IL25: variants seen among roughly 807,000 people sequenced by gnomAD.
IL25 encodes interleukin 25.
IL25 carries 10 observed loss-of-function variants against 13.2 expected under a neutral mutation model. The ratio of observed to expected loss-of-function variants is 0.76; its 90% CI spans 0.47 to 1.29. The LOEUF is 1.29. Among genes scored for constraint, IL25 ranks in the 50% most tolerant of loss-of-function variants. The pLI is 0.00. For missense variants in IL25, 235 were observed against 232.4 expected (o/e 1.01, Z -0.07); for synonymous variants, 107 against 92.1 (o/e 1.16, Z -0.93).
exon 2 of IL25, chr14:23,375,661 G>C (rs773659715): frequency 6.2e-7 from 1 of 1,614,186 alleles, no homozygotes; most frequent in Non-Finnish European, 8.5e-7. Flanking sequence ...CCCAGGACCT[G>C]TACCACGCCC....
exon 1 of IL25, chr14:23,372,913 C>T (rs1444523957): frequency 4.5e-6 from 7 of 1,572,252 alleles, no homozygotes; most frequent in African/African-American, 2.7e-5. Flanking sequence ...CAGCCTGCTT[C>T]CACGAGGCCT....
At chr14:23,373,604 T>G (rs1457467179) in intron 1 of IL25, among the ~76,000 whole-genome samples, 2 of 151,960 alleles carry the variant, frequency 1.3e-5, no homozygotes, top group African/African-American at 4.8e-5. Flanking sequence ...ACTCAGGGTT[T>G]TTTTTTTTTT....
intron 1 of IL25, among the ~76,000 whole-genome samples, chr14:23,374,914 T>C (rs927056732): frequency 2.0e-5 from 3 of 152,144 alleles, no homozygotes; most frequent in Non-Finnish European, 4.4e-5. Flanking sequence ...CTCTTTATAC[T>C]CTTTAATACT....
Position 23,375,781 on chromosome 14 carries a change from C to A in IL25, c.435C>A (p.Cys145Ter), listed in dbSNP as rs1320758960. ...AGACTGTCTTCTACCGGCGGCCATG[C>A]CATGGCGAGAAGGGCACCCACAAGG... The change falls in exon 2 of 2, where the codon TGC (cysteine) becomes TGA (stop). Residue 145 changes from cysteine to a stop codon, truncating the protein, a stop_gained. Transcript: ENST00000329715. LOFTEE classifies it low-confidence loss of function (END_TRUNC). 6.2e-7 allele frequency: 1 copy of A among 1,614,122 alleles called. No homozygotes were observed. The highest frequency in any genetic ancestry group is 8.5e-7 in the Non-Finnish European group (1 of 1,180,040).
At chr14:23,376,066 G>C in exon 2 of IL25, 1 of 771,430 alleles carries the variant, frequency 1.3e-6, no homozygotes, top group Non-Finnish European at 2.0e-6. Context: ...GAAAAGAGCA[G>C]CTGCTGCTTA....
At chr14:23,375,231 C>A (rs1890511056) in intron 1 of IL25, among the ~76,000 whole-genome samples, 1 of 152,118 alleles carries the variant, frequency 6.6e-6, no homozygotes, top group Non-Finnish European at 1.5e-5. Context: ...AGCTTGGGTA[C>A]TCCGTCTCAA....
intron 1 of IL25, 61 bp downstream of exon 2, chr14:23,373,457 G>C: frequency 7.0e-7 from 1 of 1,423,630 alleles, no homozygotes; most frequent in Non-Finnish European, 9.6e-7. Context: ...TATGCGTGAG[G>C]GACCAGGGCA....
exon 1 of IL25, chr14:23,372,952 T>G: frequency 6.2e-7 from 1 of 1,613,170 alleles, no homozygotes; most frequent in Non-Finnish European, 8.5e-7. Context: ...TGTGACTGAG[T>G]GTGCAGTGCC....
intron 1 of IL25, among the ~76,000 whole-genome samples, chr14:23,374,726 CTTTCTTTTTT>C (rs1280312807): frequency 2.6e-5 from 3 of 116,562 alleles, no homozygotes; most frequent in African/African-American, 1.7e-4. Flanking sequence ...TTCTTTCTTT[CTTTCTTTTTT>C]TTTTTTTGCC....
exon 2 of IL25, chr14:23,375,634 A>C: frequency 6.2e-7 from 1 of 1,613,252 alleles, no homozygotes; most frequent in African/African-American, 1.3e-5. Flanking sequence ...GGTTGGACAG[A>C]GACTTGAACC....
chr14:23,373,231 G>T (rs762878140), exon 1 of IL25: 1 of 1,614,250 alleles, frequency 6.2e-7, no homozygotes, highest in Non-Finnish European at 8.5e-7. Context: ...CACTGGCCCA[G>T]CTGCTGCCCC....
Position 23,373,377 on chromosome 14 carries a change from AT to A in IL25, c.260del (p.Ile87ThrfsTer12). ...AGATGGACCCCTCAACAGCAGGGCC[AT>A]CTCCCCCTGGAGATATGAGTGAGTC... On this transcript the variant is annotated frameshift_variant, in exon 1 of 2. Coordinates refer to ENST00000329715, the Ensembl canonical transcript of IL25. LOFTEE classifies it high-confidence loss of function. 1.2e-6 allele frequency: 2 copies of A among 1,612,620 alleles called. No homozygotes were observed. The highest frequency in any genetic ancestry group is 1.7e-6 in the Non-Finnish European group (2 of 1,179,114).
exon 2 of IL25, chr14:23,376,159 T>C: frequency 2.2e-6 from 1 of 455,194 alleles, no homozygotes; most frequent in Non-Finnish European, 3.9e-6. Context: ...CCACCACTCC[T>C]GTCTCTTCCT....
Position 23,375,933 on chromosome 14 carries a change from A to C in IL25, c.*53A>C. ...TTGGGAAACCTGGAGCCAGGTGTAC[A>C]ACCACTTGCCATGAAGGGCCAGGAT... On this transcript the variant is annotated 3_prime_UTR_variant, in exon 2 of 2. Coordinates refer to ENST00000329715, the Ensembl canonical transcript of IL25. The C allele has an allele frequency of 1.9e-6, 3 of 1,590,052 alleles. No individual in the cohort carries two copies. The South Asian group carries it at 3.4e-5, about 18-fold the overall frequency.
chr14:23,373,245 A>G (rs1383531633), exon 1 of IL25: 1 of 1,614,204 alleles, frequency 6.2e-7, no homozygotes, highest in Non-Finnish European at 8.5e-7. Context: ...CTGCCCCAGC[A>G]AAGGGCAGGA....
In IL25 at chr14:23,373,388, G is replaced by A; in HGVS notation, c.270G>A (p.Trp90Ter). 3 of 1,608,314 alleles carry A rather than the reference G, an allele frequency of 1.9e-6. No individual in the cohort carries two copies. Among genetic ancestry groups the A allele is most frequent in the Non-Finnish European group, 1.7e-6 (2 of 1,175,758 alleles). Residue 90 changes from tryptophan to a stop codon, truncating the protein, a stop_gained, in exon 1 of 2, where the codon TGG becomes TGA. Transcript: ENST00000329715. LOFTEE classifies it high-confidence loss of function. The stretch of plus-strand genomic sequence containing the variant: ...TCAACAGCAGGGCCATCTCCCCCTG[G>A]AGATATGAGTGAGTCTGCTGCCCCT...
intron 1 of IL25, among the ~76,000 whole-genome samples, chr14:23,374,145 G>A (rs557738887): frequency 6.6e-6 from 1 of 152,110 alleles, no homozygotes; most frequent in East Asian, 1.9e-4. Flanking sequence ...GGTGGGGAGG[G>A]GGTCAGATCT....
chr14:23,372,916 C>T lies in IL25; in HGVS notation c.-203C>T, dbSNP rs202062434. 3.1e-4 allele frequency: 495 copies of T among 1,577,522 alleles called. 2 individuals are homozygous for T. Among genetic ancestry groups the T allele is most frequent in the Non-Finnish European group, 2.7e-4 (313 of 1,149,230 alleles). ...ACCTGCTCCAGTCAGCCTGCTTCCA[C>T]GAGGCCTGTCAGTCAGTGCCCCACT... On this transcript the variant is annotated 5_prime_UTR_variant, in exon 1 of 2. The change creates a new upstream start codon in the 5' untranslated region. Coordinates refer to ENST00000329715, the Ensembl canonical transcript of IL25.
chr14:23,373,019 G>A (rs1351312718), exon 1 of IL25: 2 of 1,613,878 alleles, frequency 1.2e-6, no homozygotes, highest in Non-Finnish European at 1.7e-6. Context: ...AGAGGGAGAG[G>A]AGCAGAGATG....
Sources: allele counts gnomAD v4.1 joint callset (sites outside exome capture counted in the v4.1 genomes callset), GRCh38; gene constraint gnomAD v4.1.1; transcripts MANE v1.5; gene names NCBI Gene and HGNC (gene_info 2026-07-23, HGNC 2026-07-21).